The following ABLIM3 variants were observed in gnomAD, a reference collection of about 807,000 sequenced individuals.
ABLIM3 encodes actin-binding LIM protein 3.
ABLIM3 carries 61 observed loss-of-function variants against 109.5 expected under a neutral mutation model. The observed-to-expected ratio is 0.56, with a 90% CI of 0.45 to 0.69. The LOEUF (loss-of-function observed/expected upper bound fraction) is 0.69. Among genes scored for constraint, ABLIM3 ranks in the 30% least tolerant of loss-of-function variants. ABLIM3 has a pLI of 0.00. For synonymous variants in ABLIM3, 300 were observed against 324.8 expected, an observed-to-expected ratio of 0.92 and a Z score of 0.82; for missense variants, 796 against 889.5, an observed-to-expected ratio of 0.89 and a Z score of 1.34.
At chr5:149,159,841 C>A (rs1294324232) in intron 2 of ABLIM3, among the ~76,000 whole-genome samples, 1 of 152,212 alleles carries the variant, frequency 6.6e-6, no homozygotes, top group Non-Finnish European at 1.5e-5. Flanking sequence ...GCTGCACTGG[C>A]CTCCCTAAAC....
At chr5:149,253,153 C>T (rs998668078) in intron 23 of ABLIM3, among the ~76,000 whole-genome samples, 6 of 152,152 alleles carry the variant, frequency 3.9e-5, no homozygotes, top group African/African-American at 1.4e-4. Context: ...TGCACAGGGA[C>T]AGTAAGTCCT....
At chr5:149,217,132 G>C in intron 8 of ABLIM3, 86 bp downstream of exon 8, 1 of 1,087,040 alleles carries the variant, frequency 9.2e-7, no homozygotes, top group Non-Finnish European at 1.3e-6. Flanking sequence ...TGTTATCTTG[G>C]CTTCAGGTTC....
At chr5:149,222,983 G>A (rs1439473026) in intron 8 of ABLIM3, among the ~76,000 whole-genome samples, 1 of 152,016 alleles carries the variant, frequency 6.6e-6, no homozygotes, top group East Asian at 1.9e-4. Flanking sequence ...TAAATCTTAT[G>A]TTTCCCCAAT....
At chr5:149,239,632 G>T (rs1434956960) in intron 12 of ABLIM3, 127 bp from the exon 13 acceptor site, 8 of 1,270,800 alleles carry the variant, frequency 6.3e-6, no homozygotes, top group Admixed American at 2.5e-5. Context: ...GAGGAGGGGG[G>T]TCTCTGTATT....
intron 7 of ABLIM3, among the ~76,000 whole-genome samples, chr5:149,213,142 T>C (rs1759727664): frequency 6.6e-6 from 1 of 151,746 alleles, no homozygotes; most frequent in Non-Finnish European, 1.5e-5. Flanking sequence ...AGAAAAGAAA[T>C]ATGGATCAGA....
At chr5:149,213,966 C>T (rs1028456498) in intron 7 of ABLIM3, among the ~76,000 whole-genome samples, 2 of 113,690 alleles carry the variant, frequency 1.8e-5, no homozygotes, top group African/African-American at 6.5e-5. Context: ...AAATCTAGGA[C>T]TCCAGGCTGC....
chr5:149,211,142 TTTTATTTA>T (rs558382170), intron 7 of ABLIM3, among the ~76,000 whole-genome samples: 3 of 138,612 alleles, frequency 2.2e-5, no homozygotes, highest in African/African-American at 5.6e-5. Context: ...AGGAAGTCTT[TTTTATTTA>T]TTTATTTATT....
At chr5:149,201,766 C>T (rs957733159) in intron 5 of ABLIM3, among the ~76,000 whole-genome samples, 3 of 152,076 alleles carry the variant, frequency 2.0e-5, no homozygotes, top group African/African-American at 7.2e-5. Context: ...GATATGGGAC[C>T]ACGACCCTGT....
At chr5:149,208,350 G>GTCTCTC (rs10564662) in intron 6 of ABLIM3, among the ~76,000 whole-genome samples, 52 of 132,298 alleles carry the variant, frequency 3.9e-4, no homozygotes, top group Middle Eastern at 4.0e-3. Flanking sequence ...CTATCTTTTT[G>GTCTCTC]TCTCTCTCTC....
chr5:149,183,120 G>T (rs779068482), intron 2 of ABLIM3, among the ~76,000 whole-genome samples: 19 of 152,120 alleles, frequency 1.2e-4, no homozygotes, highest in Non-Finnish European at 2.5e-4. Context: ...TTAATTTAAA[G>T]CTTACTCAAA....
At chr5:149,237,407 T>A in intron 10 of ABLIM3, 41 bp from the exon 11 acceptor site, 1 of 1,600,642 alleles carries the variant, frequency 6.2e-7, no homozygotes, top group Non-Finnish European at 8.5e-7. Context: ...TTTTCCCTCT[T>A]ATCTTTCTAT....
intron 2 of ABLIM3, among the ~76,000 whole-genome samples, chr5:149,170,481 G>A (rs552783201): frequency 6.6e-6 from 1 of 152,148 alleles, no homozygotes; most frequent in South Asian, 2.1e-4. Context: ...ACCACTACTC[G>A]CCCACCTCAT....
chr5:149,205,190 G>A (rs1758854628), intron 5 of ABLIM3, among the ~76,000 whole-genome samples: 1 of 152,184 alleles, frequency 6.6e-6, no homozygotes, highest in Non-Finnish European at 1.5e-5. Flanking sequence ...AAGAATGGGA[G>A]CAGTCACGGG....
At chr5:149,206,858 TG>T in intron 5 of ABLIM3, 149 bp from the exon 6 acceptor site, 1 of 1,041,744 alleles carries the variant, frequency 9.6e-7, no homozygotes, top group Non-Finnish European at 1.3e-6. Flanking sequence ...TTCTCTCCCC[TG>T]GGAGAGCCTC....
At chr5:149,177,948 A>G (rs1482419347) in intron 2 of ABLIM3, among the ~76,000 whole-genome samples, 2 of 152,208 alleles carry the variant, frequency 1.3e-5, no homozygotes, top group African/African-American at 2.4e-5. Context: ...GGGTTTATGT[A>G]AATTGCTCAG....
At chr5:149,200,884 A>G (rs1758425642) in intron 5 of ABLIM3, among the ~76,000 whole-genome samples, 1 of 152,090 alleles carries the variant, frequency 6.6e-6, no homozygotes, top group Admixed American at 6.5e-5. Flanking sequence ...TGTTCCATAG[A>G]CCACTGCATC....
intron 2 of ABLIM3, among the ~76,000 whole-genome samples, chr5:149,156,171 T>A (rs1165731720): frequency 6.6e-6 from 1 of 152,246 alleles, no homozygotes; most frequent in Non-Finnish European, 1.5e-5. Flanking sequence ...TGAAAACTGG[T>A]ACTTTGAAAA....
chr5:149,246,429 C>G, intron 16 of ABLIM3, 53 bp from the exon 17 acceptor site: 1 of 1,561,312 alleles, frequency 6.4e-7, no homozygotes, highest in Non-Finnish European at 8.7e-7. Flanking sequence ...ATGCCTTAAG[C>G]CAGGCTGAGT....
intron 2 of ABLIM3, among the ~76,000 whole-genome samples, 173 bp downstream of exon 2, chr5:149,142,281 A>T (rs1454437049): frequency 6.6e-6 from 1 of 151,912 alleles, no homozygotes; most frequent in Non-Finnish European, 1.5e-5. Context: ...TAGCTTCATG[A>T]CTCTGGCTTT....
Sources: gnomAD v4.1 joint callset for allele counts (sites outside exome capture counted in the v4.1 genomes callset) on GRCh38, gnomAD v4.1.1 for gene constraint, MANE v1.5 for transcripts, NCBI Gene and HGNC (gene_info 2026-07-23, HGNC 2026-07-21) for gene names.